Variants in CDH8 observed in about 807,000 individuals in gnomAD.
CDH8 encodes cadherin 8.
CDH8 carries 17 observed loss-of-function variants against 68.1 expected under a neutral mutation model. The observed-to-expected ratio is 0.25, with a 90% CI of 0.17 to 0.37. CDH8 has a LOEUF of 0.37. CDH8 is among the 10% of genes least tolerant of loss of function. The probability of loss-of-function intolerance (pLI) is 1.00; values close to 1 mark genes in which losing one functional copy is unlikely to be tolerated. For synonymous variants in CDH8, 372 were observed against 365.1 expected (o/e 1.02, Z -0.21); for missense variants, 763 against 999.3 (o/e 0.76, Z 3.19).
At chr16:61,855,305 A>G (rs1963021426) in intron 4 of CDH8, among the ~76,000 whole-genome samples, 1 of 152,180 alleles carries the variant, frequency 6.6e-6, no homozygotes, top group Admixed American at 6.6e-5. Flanking sequence ...ATGGCAATCT[A>G]TATCACTGAA....
intron 1 of CDH8, among the ~76,000 whole-genome samples, chr16:62,030,073 T>C (rs535510554): frequency 6.6e-6 from 1 of 152,322 alleles, no homozygotes; most frequent in Non-Finnish European, 1.5e-5. Context: ...CAAGTGCACC[T>C]TACTGTCACT....
At chr16:61,845,689 T>C (rs1962793120) in intron 4 of CDH8, among the ~76,000 whole-genome samples, 1 of 152,034 alleles carries the variant, frequency 6.6e-6, no homozygotes. Flanking sequence ...GAATGGCAAA[T>C]TACACATAAT....
chr16:61,737,248 G>A (rs1464170700), intron 8 of CDH8, among the ~76,000 whole-genome samples: 2 of 152,128 alleles, frequency 1.3e-5, no homozygotes, highest in Non-Finnish European at 2.9e-5. Flanking sequence ...CAAGCTATAA[G>A]AGAGAAAAAT....
intron 2 of CDH8, among the ~76,000 whole-genome samples, chr16:61,911,468 A>G (rs1350734693): frequency 6.6e-6 from 1 of 152,152 alleles, no homozygotes; most frequent in Non-Finnish European, 1.5e-5. Flanking sequence ...AAAAAAACTA[A>G]CAAGTTATTC....
At chr16:61,807,089 T>C (rs1482609666) in intron 7 of CDH8, among the ~76,000 whole-genome samples, 2 of 136,502 alleles carry the variant, frequency 1.5e-5, no homozygotes, top group Non-Finnish European at 3.1e-5. Context: ...CCAACAATGA[T>C]AGACTGGATT....
At chr16:62,025,637 C>T (rs1165658666) in intron 1 of CDH8, among the ~76,000 whole-genome samples, 3 of 152,118 alleles carry the variant, frequency 2.0e-5, no homozygotes, top group Non-Finnish European at 4.4e-5. Flanking sequence ...TATGCCATCT[C>T]TTAGATTTTG....
At chr16:61,977,059 C>T (rs991296370) in intron 2 of CDH8, among the ~76,000 whole-genome samples, 7 of 152,082 alleles carry the variant, frequency 4.6e-5, no homozygotes, top group Admixed American at 6.6e-5. Context: ...CATACAATCA[C>T]GGAATATAGG....
intron 8 of CDH8, among the ~76,000 whole-genome samples, chr16:61,748,944 TGAG>T (rs1035269993): frequency 1.3e-5 from 2 of 152,028 alleles, no homozygotes; most frequent in Admixed American, 6.6e-5. Flanking sequence ...AACTGATGTT[TGAG>T]GAGGGTATAG....
At chr16:61,655,185 C>G (rs973295417) in intron 11 of CDH8, among the ~76,000 whole-genome samples, 5 of 152,132 alleles carry the variant, frequency 3.3e-5, no homozygotes, top group Non-Finnish European at 7.4e-5. Flanking sequence ...GGTGTTGTAA[C>G]GACGTAAAAG....
intron 8 of CDH8, among the ~76,000 whole-genome samples, chr16:61,739,151 G>T (rs544177134): frequency 6.6e-6 from 1 of 152,040 alleles, no homozygotes; most frequent in Admixed American, 6.6e-5. Context: ...CCCCCTAATT[G>T]TTTCAAATAG....
intron 8 of CDH8, among the ~76,000 whole-genome samples, chr16:61,776,093 T>C (rs1006617307): frequency 1.3e-5 from 2 of 152,070 alleles, no homozygotes. Flanking sequence ...AGGTTTCATC[T>C]GGAAGAGGAT....
rs561864120 is a variant in CDH8, at chr16:61,997,029, GTGTT to G, written c.252+24119_252+24122del. Among the ~76,000 whole-genome samples, 1,024 of 152,074 alleles carry G rather than the reference GTGTT, an allele frequency of 6.7e-3. 6 individuals are homozygous for G. Among genetic ancestry groups the G allele is most frequent in the Non-Finnish European group, 0.011 (775 of 67,994 alleles). ...TGTGTGTGTGTGTGTGTGTATGTGT[GTGTT>G]TAAGTATAATCCTTTTCTGAGGAGT... On this transcript the variant is annotated intron_variant, in intron 2 of 11. Transcript: ENST00000577390.
intron 1 of CDH8, among the ~76,000 whole-genome samples, chr16:62,033,364 A>G (rs1202727435): frequency 2.0e-5 from 3 of 152,224 alleles, no homozygotes; most frequent in Non-Finnish European, 4.4e-5. Context: ...TACAGCAGGC[A>G]AATGGAACTG....
chr16:61,695,025 C>T (rs922656025), intron 10 of CDH8, among the ~76,000 whole-genome samples: 44 of 151,994 alleles, frequency 2.9e-4, no homozygotes, highest in African/African-American at 3.9e-4. Flanking sequence ...CGTGATCCCC[C>T]GCCTCAGCCC....
At chr16:61,914,071 T>C (rs1426114396) in intron 2 of CDH8, among the ~76,000 whole-genome samples, 1 of 152,088 alleles carries the variant, frequency 6.6e-6, no homozygotes, top group African/African-American at 2.4e-5. Context: ...TGGACCCATA[T>C]AGAGAGAGCA....
At chr16:61,675,549 T>C (rs62049443) in intron 10 of CDH8, among the ~76,000 whole-genome samples, 1 of 149,452 alleles carries the variant, frequency 6.7e-6, no homozygotes, top group Non-Finnish European at 1.5e-5. Flanking sequence ...TGTATACATA[T>C]GTAACTAACC....
intron 8 of CDH8, among the ~76,000 whole-genome samples, chr16:61,779,469 G>T (rs964174005): frequency 7.2e-6 from 1 of 139,218 alleles, no homozygotes; most frequent in Non-Finnish European, 1.5e-5. Context: ...GTGTGTGCGC[G>T]CATGGTGAGG....
At position 61,812,998 on chromosome 16, in the gene CDH8, C is replaced by G. The variant is rs79394017; in HGVS notation, c.1277+4481G>C. On this transcript the variant is annotated intron_variant, in intron 7 of 11. Coordinates refer to ENST00000577390, the MANE Select transcript of CDH8 (RefSeq NM_001796.5). The stretch of plus-strand genomic sequence containing the variant: ...TAGGAGCTTAGTATGGTGTCGGATT[C>G]ATCAAATAAAAATAACATTGTTTTC... Among the ~76,000 whole-genome samples, 680 of 152,242 alleles carry G rather than the reference C, an allele frequency of 4.5e-3. 3 individuals are homozygous for G. The highest frequency in any genetic ancestry group is 7.2e-3 in the Non-Finnish European group (490 of 68,024).
chr16:61,872,448 G>T (rs551271993), intron 3 of CDH8, among the ~76,000 whole-genome samples: 1 of 152,148 alleles, frequency 6.6e-6, no homozygotes, highest in Non-Finnish European at 1.5e-5. Flanking sequence ...CTAGGTCATA[G>T]GTAGATTTAA....
Sources: allele counts gnomAD v4.1 joint callset (sites outside exome capture counted in the v4.1 genomes callset), GRCh38; gene constraint gnomAD v4.1.1; transcripts MANE v1.5; gene names NCBI Gene and HGNC (gene_info 2026-07-23, HGNC 2026-07-21).